Variants in PTPRJ observed in about 807,000 individuals in gnomAD.
PTPRJ encodes the protein receptor-type tyrosine-protein phosphatase eta.
In PTPRJ, 129 loss-of-function variants were observed where a neutral mutation model predicts 141.3. The observed-to-expected ratio is 0.91, with a 90% confidence interval of 0.79 to 1.06. The LOEUF is 1.06. Ranked by LOEUF, PTPRJ falls within the 50% of genes least tolerant of loss-of-function variation. The pLI is 0.00. For missense variants in PTPRJ, 1,601 were observed against 1,679.7 expected, an observed-to-expected ratio of 0.95 and a Z score of 0.82; for synonymous variants, 610 against 640.5, an observed-to-expected ratio of 0.95 and a Z score of 0.72.
intron 18 of PTPRJ, among the ~76,000 whole-genome samples, chr11:48,151,470 T>A (rs1196652672): frequency 1.3e-5 from 2 of 151,268 alleles, no homozygotes; most frequent in African/African-American, 4.9e-5. Flanking sequence ...CTTTTTTTTT[T>A]ATACTTTAAG....
intron 21 of PTPRJ, among the ~76,000 whole-genome samples, chr11:48,157,539 C>A (rs1232649100): frequency 6.6e-6 from 1 of 152,210 alleles, no homozygotes; most frequent in Non-Finnish European, 1.5e-5. Flanking sequence ...TTCGGAATTG[C>A]GTTTCTGCCA....
rs991170177 is a variant in PTPRJ at position 48,152,694 on chromosome 11, C to T, written c.3139-1102C>T. 9.2e-5 allele frequency among the ~76,000 whole-genome samples: 14 copies of T among 152,308 alleles called. No homozygotes were observed. The East Asian group carries it at 2.7e-3, about 29-fold the overall frequency. ...TTTATTAAATTGGGAATCCTTTCCC[C>T]ATTGCTTGTTTTTGTCAGGTTTGTC... On this transcript the variant is annotated intron_variant, in intron 18 of 24. Coordinates refer to ENST00000418331, the MANE Select transcript of PTPRJ (RefSeq NM_002843.4).
At chr11:48,060,044 G>C (rs936479887) in intron 1 of PTPRJ, among the ~76,000 whole-genome samples, 2 of 152,176 alleles carry the variant, frequency 1.3e-5, no homozygotes, top group Admixed American at 6.6e-5. Context: ...GTTTTGTTAA[G>C]TGAACTCCCC....
intron 1 of PTPRJ, among the ~76,000 whole-genome samples, chr11:48,105,575 C>T (rs779441811): frequency 5.9e-5 from 9 of 152,176 alleles, no homozygotes; most frequent in African/African-American, 9.7e-5. Context: ...AATGCCCCTG[C>T]GTCATTTTAC....
At chr11:48,080,162 A>G (rs1026470769) in intron 1 of PTPRJ, among the ~76,000 whole-genome samples, 1 of 152,176 alleles carries the variant, frequency 6.6e-6, no homozygotes, top group African/African-American at 2.4e-5. Context: ...CATTTTGCAG[A>G]TGAGAAACCA....
chr11:48,043,055 A>G (rs529301262), intron 1 of PTPRJ, among the ~76,000 whole-genome samples: 2 of 152,318 alleles, frequency 1.3e-5, no homozygotes, highest in Admixed American at 6.5e-5. Flanking sequence ...TGAGAAAGAA[A>G]ATAAACTCCC....
intron 1 of PTPRJ, among the ~76,000 whole-genome samples, chr11:48,066,462 AAGAGCCTG>A (rs1302943021): frequency 6.6e-6 from 1 of 152,090 alleles, no homozygotes; most frequent in Non-Finnish European, 1.5e-5. Flanking sequence ...GGTGCAACAG[AAGAGCCTG>A]AGTCGAATCC....
Position 48,131,488 on chromosome 11 carries a change from C to T in PTPRJ, c.1615+772C>T, listed in dbSNP as rs1217063978. 5.2e-6 allele frequency: 4 copies of T among 772,866 alleles called. No homozygotes were observed. In the Admixed American group the frequency reaches 6.9e-5, roughly 13 times the overall value. 47.9% of individuals were successfully genotyped at this position (772,866 alleles called of 1,614,324 possible). On this transcript the variant is annotated intron_variant, in intron 8 of 24. Coordinates refer to ENST00000418331, the MANE Select transcript of PTPRJ (RefSeq NM_002843.4). ...GCCAATTAATTATGAATATTCTTTC[C>T]TCTTAATAAAATATTTCTACAGGAT... is the stretch of plus-strand genomic sequence containing the variant.
At chr11:48,116,011 G>A (rs932511486) in intron 3 of PTPRJ, among the ~76,000 whole-genome samples, 4 of 152,094 alleles carry the variant, frequency 2.6e-5, no homozygotes, top group South Asian at 2.1e-4. Context: ...AAGAGAGGAC[G>A]GAAGGAACAA....
At chr11:48,147,704 A>T (rs989987722) in intron 15 of PTPRJ, among the ~76,000 whole-genome samples, 4 of 151,918 alleles carry the variant, frequency 2.6e-5, no homozygotes, top group African/African-American at 9.7e-5. Context: ...GTTAGTTGGG[A>T]TTTCTTTGCT....
At chr11:48,031,549 A>G (rs551749122) in intron 1 of PTPRJ, among the ~76,000 whole-genome samples, 1 of 152,346 alleles carries the variant, frequency 6.6e-6, no homozygotes, top group Non-Finnish European at 1.5e-5. Context: ...GGGTCATGCA[A>G]AATGGGGTGG....
chr11:48,111,752 A>G (rs1191633434), intron 2 of PTPRJ, among the ~76,000 whole-genome samples: 1 of 152,120 alleles, frequency 6.6e-6, no homozygotes, highest in South Asian at 2.1e-4. Flanking sequence ...TTACAGAGTC[A>G]TTGGAAGGGC....
Position 48,110,050 on chromosome 11 carries a change from T to G in PTPRJ, c.97-8T>G, listed in dbSNP as rs547097416. The stretch of plus-strand genomic sequence containing the variant: ...TCTGCTGACTTCCGTTTTCTTTTTC[T>G]GTTTCAGATCCTGTGCGCAGGTGGC... On this transcript the variant is annotated splice_polypyrimidine_tract_variant and splice_region_variant and intron_variant, in intron 1 of 24. Coordinates refer to ENST00000418331, the MANE Select transcript of PTPRJ (RefSeq NM_002843.4). The G allele has an allele frequency of 1.9e-5, 30 of 1,613,988 alleles. No individual in the cohort carries two copies. In the Middle Eastern group the frequency reaches 4.9e-4, roughly 27 times the overall value.
Position 48,033,778 on chromosome 11 carries a change from G to C in PTPRJ, c.96+52770G>C, listed in dbSNP as rs1010012352. 3.3e-5 allele frequency among the ~76,000 whole-genome samples: 5 copies of C among 152,312 alleles called. No individual in the cohort carries two copies. The South Asian group carries it at 1.0e-3, about 32-fold the overall frequency. ...GCCCTTCAGGGGATTTGAAGATTGT[G>C]AAGGAGGACCAAGAGGAGCTGTTTG... On this transcript the variant is annotated intron_variant, in intron 1 of 24. Coordinates refer to ENST00000418331, the MANE Select transcript of PTPRJ (RefSeq NM_002843.4).
rs192190979 is a variant in PTPRJ at position 48,010,386 on chromosome 11, C to T, written c.96+29378C>T. 1.9e-3 allele frequency among the ~76,000 whole-genome samples: 284 copies of T among 151,676 alleles called. 1 individual carries two copies. Among genetic ancestry groups the T allele is most frequent in the Non-Finnish European group, 3.3e-3 (225 of 67,898 alleles). On this transcript the variant is annotated intron_variant, in intron 1 of 24. Transcript: ENST00000418331. ...TAGAGATAGGGTTTCGCCATGTTGGCCAGGCTGGTCTCAAACTCCTGACCT... is the reference window on the plus strand; with the variant it reads ...TAGAGATAGGGTTTCGCCATGTTGGTCAGGCTGGTCTCAAACTCCTGACCT...
chr11:48,074,868 C>G (rs1358202301), intron 1 of PTPRJ, among the ~76,000 whole-genome samples: 1 of 152,058 alleles, frequency 6.6e-6, no homozygotes, highest in African/African-American at 2.4e-5. Context: ...GGCCAGGAGT[C>G]AGTGCTCTCA....
chr11:48,114,266 C>A (rs185679348), intron 3 of PTPRJ, among the ~76,000 whole-genome samples: 1 of 151,616 alleles, frequency 6.6e-6, no homozygotes, highest in Non-Finnish European at 1.5e-5. Flanking sequence ...GGCAAAACCC[C>A]GTCTCTGTTA....
Position 48,156,152 on chromosome 11 carries a change from A to G in PTPRJ, c.3438+33A>G, listed in dbSNP as rs201969983. The G allele has an allele frequency of 4.7e-6, 7 of 1,504,472 alleles. No homozygotes were observed. The East Asian group carries it at 1.6e-4, about 34-fold the overall frequency. 93.2% of individuals were successfully genotyped at this position (1,504,472 alleles called of 1,614,324 possible). On this transcript the variant is annotated intron_variant, in intron 21 of 24. Transcript: ENST00000418331. ...TCTTTTTTAGTTTTTAAAATTTAAA[A>G]TTACATTAATTGCTTTTTATTGTGG... is the stretch of plus-strand genomic sequence containing the variant.
At chr11:48,131,270 A>T (rs1856977254) in intron 8 of PTPRJ, among the ~76,000 whole-genome samples, 1 of 151,652 alleles carries the variant, frequency 6.6e-6, no homozygotes, top group African/African-American at 2.4e-5. Flanking sequence ...TTTAGTAGAG[A>T]CAGGGTTTCG....
Sources: allele counts gnomAD v4.1 joint callset (sites outside exome capture counted in the v4.1 genomes callset), GRCh38; gene constraint gnomAD v4.1.1; transcripts MANE v1.5; gene names NCBI Gene and HGNC (gene_info 2026-07-23, HGNC 2026-07-21).